AKAP7: variants seen among roughly 807,000 people sequenced by gnomAD.
The protein encoded by AKAP7 is A kinase (PRKA) anchor protein 7.
AKAP7 carries 39 observed loss-of-function variants against 39.5 expected under a neutral mutation model. The observed-to-expected ratio is 0.99, with a 90% CI of 0.76 to 1.29. The LOEUF is 1.29. AKAP7 is among the 50% of genes most tolerant of loss of function. AKAP7 has a pLI of 0.00. For synonymous variants in AKAP7, 140 were observed against 139.1 expected (o/e 1.01, Z -0.05); for missense variants, 414 against 407.7 (o/e 1.02, Z -0.13).
At chr6:131,158,766 CAAAGT>C (rs1321840202) in intron 2 of AKAP7, among the ~76,000 whole-genome samples, 1 of 152,064 alleles carries the variant, frequency 6.6e-6, no homozygotes, top group Non-Finnish European at 1.5e-5. Context: ...TTCAGCCTCC[CAAAGT>C]GCTGGGATTA....
At chr6:131,146,554 A>G (rs776069459) in intron 2 of AKAP7, among the ~76,000 whole-genome samples, 5 of 152,220 alleles carry the variant, frequency 3.3e-5, no homozygotes, top group Admixed American at 6.5e-5. Context: ...AGATTTGACT[A>G]TTGTCCAGGT....
Position 131,142,833 on chromosome 6 carries a change from T to C in AKAP7, c.20-2452T>C, listed in dbSNP as rs575978188. 9.2e-5 allele frequency among the ~76,000 whole-genome samples: 14 copies of C among 152,346 alleles called. No individual in the cohort carries two copies. In the South Asian group the frequency reaches 2.1e-3, roughly 23 times the overall value. ...ACAGGGGCTTCACCTTGCAAATCCA[T>C]AGGGACAGAACTGCCTAAGGCTTTG... On this transcript the variant is annotated intron_variant, in intron 1 of 7. Transcript: ENST00000431975.
At position 131,184,444 on chromosome 6, in the gene AKAP7, C is replaced by A. The variant is rs1585036239; in HGVS notation, c.590-15017C>A. ...ATGGACGGAGTGAGACAGTACATTT[C>A]GTAGCCATGATCGCAGCATCACAAA... On this transcript the variant is annotated intron_variant, in intron 5 of 7. Transcript: ENST00000431975. The A allele has an allele frequency of 4.6e-6, 3 of 659,058 alleles. No homozygotes were observed. In the Admixed American group the frequency reaches 5.5e-5, roughly 12 times the overall value. 40.8% of individuals were successfully genotyped at this position (659,058 alleles called of 1,614,324 possible).
intron 5 of AKAP7, among the ~76,000 whole-genome samples, chr6:131,176,572 G>T (rs138737039): frequency 6.8e-4 from 104 of 151,978 alleles, no homozygotes; most frequent in African/African-American, 2.5e-3. Context: ...AAATAGAAAA[G>T]TGCCCTTGGT....
chr6:131,280,923 A>C (rs1815145412), intron 7 of AKAP7, among the ~76,000 whole-genome samples: 1 of 152,186 alleles, frequency 6.6e-6, no homozygotes, highest in African/African-American at 2.4e-5. Flanking sequence ...ATTTTTCTTT[A>C]AAGAATTTCC....
chr6:131,160,039 G>A lies in AKAP7; in HGVS notation c.152-20G>A, dbSNP rs764504989. On this transcript the variant is annotated intron_variant, in intron 2 of 7. Transcript: ENST00000431975. ...TTTGTTTAAATGTATTAGACGTATT[G>A]TTTGACTTTTTTCCTCTAGTCACTG... 1.3e-6 allele frequency: 2 copies of A among 1,560,648 alleles called. No individual in the cohort carries two copies. The highest frequency in any genetic ancestry group is 4.4e-5 in the Admixed American group (2 of 45,952).
chr6:131,273,983 A>G (rs1445893600), intron 7 of AKAP7, among the ~76,000 whole-genome samples: 2 of 139,248 alleles, frequency 1.4e-5, no homozygotes, highest in Non-Finnish European at 3.0e-5. Context: ...ACTGTCGCCC[A>G]GGCTGGTGTG....
chr6:131,229,777 G>A (rs558375177), intron 7 of AKAP7, among the ~76,000 whole-genome samples: 2 of 152,178 alleles, frequency 1.3e-5, no homozygotes, highest in South Asian at 2.1e-4. Flanking sequence ...CTGTGAAACC[G>A]CTATTGCCTT....
At chr6:131,255,740 T>G (rs1363609020) in intron 7 of AKAP7, among the ~76,000 whole-genome samples, 1 of 152,210 alleles carries the variant, frequency 6.6e-6, no homozygotes, top group Non-Finnish European at 1.5e-5. Flanking sequence ...TCCTCAGATT[T>G]AAGAAGTGGG....
chr6:131,206,905 C>G (rs890611267), intron 6 of AKAP7, among the ~76,000 whole-genome samples: 1 of 152,066 alleles, frequency 6.6e-6, no homozygotes, highest in African/African-American at 2.4e-5. Context: ...TTTTATAAAC[C>G]ATGTTAAAAC....
intron 6 of AKAP7, among the ~76,000 whole-genome samples, chr6:131,213,419 A>G (rs368521142): frequency 2.0e-5 from 3 of 152,242 alleles, no homozygotes; most frequent in Non-Finnish European, 2.9e-5. Context: ...TTGTAAGTGT[A>G]TGTGGGAGAT....
chr6:131,280,506 C>A (rs1170396299), intron 7 of AKAP7, among the ~76,000 whole-genome samples: 2 of 152,214 alleles, frequency 1.3e-5, no homozygotes, highest in African/African-American at 4.8e-5. Context: ...TTTGTATCTG[C>A]CTGTCTCAGA....
chr6:131,279,760 G>A (rs907148886), intron 7 of AKAP7, among the ~76,000 whole-genome samples: 6 of 152,040 alleles, frequency 3.9e-5, no homozygotes, highest in Admixed American at 3.9e-4. Context: ...CAGCCCCCAG[G>A]GTGCAATGTC....
chr6:131,184,840 T>C, intron 5 of AKAP7: 4 of 1,473,194 alleles, frequency 2.7e-6, no homozygotes, highest in Non-Finnish European at 2.8e-6. Context: ...TGGTCGGTTC[T>C]TGTAACGTTT....
intron 7 of AKAP7, among the ~76,000 whole-genome samples, chr6:131,231,381 A>C (rs573442427): frequency 3.4e-4 from 51 of 152,172 alleles, no homozygotes; most frequent in African/African-American, 1.2e-3. Flanking sequence ...CTTTCTTTGC[A>C]CAGGCTCACA....
intron 5 of AKAP7, among the ~76,000 whole-genome samples, chr6:131,197,898 G>T (rs977004618): frequency 1.3e-5 from 2 of 152,316 alleles, no homozygotes; most frequent in African/African-American, 4.8e-5. Context: ...AGCTGTGGGA[G>T]CCCACACTAT....
rs529272521 is a variant in AKAP7, at chr6:131,156,437, A to G, written c.152-3622A>G. ...AGGATTGCTTGAGCCCAGGAGTTCA[A>G]GACCAGCCTGGGCAACATAGTGAGA... On this transcript the variant is annotated intron_variant, in intron 2 of 7. Transcript: ENST00000431975. Among the ~76,000 whole-genome samples the G allele has an allele frequency of 1.8e-4, 27 of 152,140 alleles. No individual in the cohort carries two copies. In the South Asian group the frequency reaches 1.9e-3, roughly 11 times the overall value.
intron 6 of AKAP7, among the ~76,000 whole-genome samples, chr6:131,209,007 G>T (rs951924546): frequency 6.6e-6 from 1 of 152,168 alleles, no homozygotes; most frequent in African/African-American, 2.4e-5. Flanking sequence ...TTCCAGGAAG[G>T]TACACCACAG....
At chr6:131,134,743 GTCT>G, upstream of AKAP7, among the ~76,000 whole-genome samples, 1 of 152,296 alleles carries the variant, frequency 6.6e-6, no homozygotes, top group South Asian at 2.1e-4. Flanking sequence ...CTGTGTAGGG[GTCT>G]TCTTTTCTTC....
Sources: gnomAD v4.1 joint callset for allele counts (sites outside exome capture counted in the v4.1 genomes callset) on GRCh38, gnomAD v4.1.1 for gene constraint, MANE v1.5 for transcripts, NCBI Gene and HGNC (gene_info 2026-07-23, HGNC 2026-07-21) for gene names.